The following CHL1 variants were observed in gnomAD, a reference collection of about 807,000 sequenced individuals.
The protein encoded by CHL1 is neural cell adhesion molecule L1-like protein.
In CHL1, 96 loss-of-function variants were observed where a neutral mutation model predicts 141.9. The observed-to-expected ratio is 0.68, with a 90% CI of 0.57 to 0.80. The LOEUF (loss-of-function observed/expected upper bound fraction) is 0.80, where lower values mean the gene tolerates loss of function less well. CHL1 is among the 30% of genes least tolerant of loss of function. CHL1 has a pLI of 0.00. For synonymous variants in CHL1, 613 were observed against 502.2 expected (o/e 1.22, Z -2.95); for missense variants, 1,820 against 1,457.2 (o/e 1.25, Z -4.05).
intron 3 of CHL1, among the ~76,000 whole-genome samples, chr3:320,086 G>A (rs1328224281): frequency 6.6e-6 from 1 of 151,910 alleles, no homozygotes; most frequent in Admixed American, 6.6e-5. Context: ...AGTTCCTTAT[G>A]CAAACTTAGA....
Position 337,395 on chromosome 3 carries a change from C to A in CHL1, c.386-3399C>A, listed in dbSNP as rs544177006. 3.2e-3 allele frequency among the ~76,000 whole-genome samples: 489 copies of A among 151,700 alleles called. 2 individuals are homozygous for A. Among genetic ancestry groups the A allele is most frequent in the African/African-American group, 0.011 (455 of 41,340 alleles). Reference sequence around the variant, plus strand: ...TATTTTTTAAATTATACTTTAAGTTCTAGGGTACATGTGCACAATGTGCAG... The same window carrying A: ...TATTTTTTAAATTATACTTTAAGTTATAGGGTACATGTGCACAATGTGCAG... On this transcript the variant is annotated intron_variant, in intron 5 of 27. Coordinates refer to ENST00000256509, the MANE Select transcript of CHL1 (RefSeq NM_006614.4).
intron 8 of CHL1, 125 bp downstream of exon 8, chr3:343,156 C>A: frequency 1.5e-6 from 1 of 686,050 alleles, no homozygotes; most frequent in Non-Finnish European, 2.3e-6. Context: ...AACATCTGAA[C>A]TTAGAGGGTT....
At chr3:346,976 TGA>T (rs1405217154) in intron 9 of CHL1, among the ~76,000 whole-genome samples, 1 of 152,198 alleles carries the variant, frequency 6.6e-6, no homozygotes, top group Non-Finnish European at 1.5e-5. Context: ...CAGGTGAACA[TGA>T]GATATAATTT....
intron 1 of CHL1, among the ~76,000 whole-genome samples, chr3:243,633 C>A (rs455635): frequency 0.56 from 84,581 of 152,036 alleles, 25,029 homozygotes; most frequent in African/African-American, 0.75. Flanking sequence ...CAATCTGTTT[C>A]TAACTACTTG....
At chr3:332,322 A>C (rs1487014855) in intron 5 of CHL1, among the ~76,000 whole-genome samples, 1 of 152,200 alleles carries the variant, frequency 6.6e-6, no homozygotes, top group Non-Finnish European at 1.5e-5. Flanking sequence ...TGATTGGTAT[A>C]ATTTTATTGT....
intron 2 of CHL1, among the ~76,000 whole-genome samples, chr3:292,033 G>A (rs1041723250): frequency 3.3e-5 from 5 of 152,164 alleles, no homozygotes; most frequent in Non-Finnish European, 7.3e-5. Flanking sequence ...AGGTGGAAAC[G>A]ATTCCTCTTG....
chr3:264,290 C>T (rs1160206731), intron 2 of CHL1, among the ~76,000 whole-genome samples: 3 of 152,170 alleles, frequency 2.0e-5, no homozygotes, highest in African/African-American at 7.2e-5. Context: ...TTCTTCCCTA[C>T]ACTTAGGGAC....
chr3:312,969 AT>A (rs1699875023), intron 2 of CHL1, among the ~76,000 whole-genome samples: 1 of 152,144 alleles, frequency 6.6e-6, no homozygotes, highest in Non-Finnish European at 1.5e-5. Context: ...TTGTTTAATG[AT>A]TTTGCATGCA....
chr3:252,504 A>C (rs1023909317), intron 2 of CHL1, among the ~76,000 whole-genome samples: 1 of 150,740 alleles, frequency 6.6e-6, no homozygotes, highest in Admixed American at 6.6e-5. Flanking sequence ...CACATATTGA[A>C]TATATTAAAT....
chr3:299,104 A>G (rs1698474817), intron 2 of CHL1, among the ~76,000 whole-genome samples: 1 of 152,182 alleles, frequency 6.6e-6, no homozygotes, highest in African/African-American at 2.4e-5. Context: ...ACATTATCTG[A>G]CGTGAAATGA....
chr3:234,041 C>T (rs558913373), intron 1 of CHL1, among the ~76,000 whole-genome samples: 74 of 151,998 alleles, frequency 4.9e-4, no homozygotes, highest in South Asian at 2.9e-3. Flanking sequence ...ATCATTTTTA[C>T]GTATGTAATG....
chr3:236,648 T>C (rs1574810560), intron 1 of CHL1, among the ~76,000 whole-genome samples: 1 of 152,216 alleles, frequency 6.6e-6, no homozygotes, highest in East Asian at 1.9e-4. Flanking sequence ...GTCTTCCAAG[T>C]TGTAACAGGC....
At chr3:323,356 T>C (rs944131921) in intron 3 of CHL1, among the ~76,000 whole-genome samples, 21 of 152,112 alleles carry the variant, frequency 1.4e-4, no homozygotes, top group Admixed American at 7.2e-4. Flanking sequence ...CTAACAAGTG[T>C]CAATTTTTGA....
chr3:311,041 T>C (rs1699710277), intron 2 of CHL1, among the ~76,000 whole-genome samples: 1 of 152,234 alleles, frequency 6.6e-6, no homozygotes, highest in Non-Finnish European at 1.5e-5. Flanking sequence ...CCTTCACCTC[T>C]TTTCATGGCT....
chr3:361,921 C>A, intron 13 of CHL1, 111 bp downstream of exon 13: 1 of 736,852 alleles, frequency 1.4e-6, no homozygotes. Flanking sequence ...TACATGTACC[C>A]AGTACCTCTG....
intron 2 of CHL1, among the ~76,000 whole-genome samples, chr3:246,321 C>T (rs1693170428): frequency 6.6e-6 from 1 of 152,100 alleles, no homozygotes; most frequent in South Asian, 2.1e-4. Flanking sequence ...AAACACCCTT[C>T]TTGCTCGTAG....
rs140543259 is a variant in CHL1 at position 313,833 on chromosome 3, G to T, written c.-94-5850G>T. 6.6e-4 allele frequency among the ~76,000 whole-genome samples: 100 copies of T among 152,222 alleles called. 1 individual carries two copies. Among genetic ancestry groups the T allele is most frequent in the African/African-American group, 2.3e-3 (97 of 41,546 alleles). On this transcript the variant is annotated intron_variant, in intron 2 of 27. Coordinates refer to ENST00000256509, the MANE Select transcript of CHL1 (RefSeq NM_006614.4). ...CAAAGCATTAAAGAAAAATGAACAG[G>T]CATCATGTATACTAACAGCTACCAA...
Position 216,886 on chromosome 3 carries a change from A to C in CHL1, c.-175+19823A>C, listed in dbSNP as rs376947493. Among the ~76,000 whole-genome samples the C allele has an allele frequency of 2.6e-4, 40 of 152,334 alleles. 1 individual carries two copies. In the South Asian group the frequency reaches 7.9e-3, roughly 30 times the overall value. On this transcript the variant is annotated intron_variant, in intron 1 of 27. Coordinates refer to ENST00000256509, the MANE Select transcript of CHL1 (RefSeq NM_006614.4). ...TAACACTGAATTCAGCAGTGCAGAA[A>C]AACTCCAAATCATGTGGTTCTTCTT... is the stretch of plus-strand genomic sequence containing the variant.
chr3:216,439 C>T (rs1700327473), intron 1 of CHL1, among the ~76,000 whole-genome samples: 1 of 152,096 alleles, frequency 6.6e-6, no homozygotes, highest in South Asian at 2.1e-4. Flanking sequence ...CATTTTCTTT[C>T]ATAAAGCTGA....
Sources: gnomAD v4.1 joint callset for allele counts (sites outside exome capture counted in the v4.1 genomes callset) on GRCh38, gnomAD v4.1.1 for gene constraint, MANE v1.5 for transcripts, NCBI Gene and HGNC (gene_info 2026-07-23, HGNC 2026-07-21) for gene names.